Variants in NCKAP5L observed in about 807,000 individuals in gnomAD.
The protein encoded by NCKAP5L is nck-associated protein 5-like.
A neutral mutation model predicts 103.2 loss-of-function variants in NCKAP5L; 54 were observed. The observed-to-expected ratio is 0.52, with a 90% CI of 0.42 to 0.66. The LOEUF (loss-of-function observed/expected upper bound fraction) is 0.66. Among genes scored for constraint, NCKAP5L ranks in the 30% least tolerant of loss-of-function variants. NCKAP5L has a pLI of 0.00. For synonymous variants in NCKAP5L, 762 were observed against 748.6 expected (o/e 1.02, Z -0.29); for missense variants, 1,733 against 1,750.6 (o/e 0.99, Z 0.18).
In NCKAP5L at chr12:49,793,853, T is replaced by C. The variant is rs1176572168; in HGVS notation, c.3139A>G (p.Lys1047Glu). The change falls in exon 9 of 13, where the codon AAG becomes GAG. Residue 1047 changes from lysine (K) to glutamate (E), a missense_variant. Lys to Glu is a moderately conservative substitution (Grantham distance 56, BLOSUM62 1). Transcript: ENST00000335999. ...ELPSKSWREP[K>E]PEYGDFQPVS... ...GGCTGGAAATCCCCGTACTCAGGCT[T>C]GGGCTCCCGCCAGCTCTTGGATGGC... The C allele has an allele frequency of 6.3e-7, 1 of 1,576,256 alleles. No individual in the cohort carries two copies. Among genetic ancestry groups the C allele is most frequent in the Non-Finnish European group, 8.6e-7 (1 of 1,161,692 alleles).
intron 10 of NCKAP5L, 125 bp downstream of exon 10, chr12:49,793,227 T>A: frequency 3.9e-6 from 4 of 1,013,982 alleles, no homozygotes; most frequent in Non-Finnish European, 5.9e-6. Flanking sequence ...AGTGCCCACC[T>A]GGTGCTTGGC....
chr12:49,812,712 C>T (rs188712404), intron 1 of NCKAP5L, among the ~76,000 whole-genome samples: 64 of 152,304 alleles, frequency 4.2e-4, no homozygotes, highest in African/African-American at 1.5e-3. Flanking sequence ...CAGTGCTCCA[C>T]TGTATGGGCC....
At chr12:49,793,510 A>G in intron 9 of NCKAP5L, 77 bp from the exon 10 acceptor site, 1 of 1,462,020 alleles carries the variant, frequency 6.8e-7, no homozygotes, top group Non-Finnish European at 9.5e-7. Flanking sequence ...GAGGGTGGGA[A>G]TGTGTCTGTA....
At chr12:49,826,986 G>T (rs1444107994) in intron 1 of NCKAP5L, among the ~76,000 whole-genome samples, 1 of 152,130 alleles carries the variant, frequency 6.6e-6, no homozygotes, top group African/African-American at 2.4e-5. Flanking sequence ...GAATACACAC[G>T]GTTTCTTTGG....
rs773637506 is a variant in NCKAP5L at position 49,795,409 on chromosome 12, C to T, written c.2451G>A (p.Lys817=). Residue 817 remains lysine, a synonymous_variant, in exon 8 of 13, where the codon AAG becomes AAA. Transcript: ENST00000335999. ...PNKSPHSSPT[K]LPSKSPTKVV... ...CCTTGGTTGGTGACTTGGAAGGGAG[C>T]TTGGTGGGGCTGCTGTGAGGGCTCT... The T allele has an allele frequency of 1.3e-6, 2 of 1,581,808 alleles. No homozygotes were observed. The highest frequency in any genetic ancestry group is 1.2e-5 in the South Asian group (1 of 85,506).
At chr12:49,818,086 C>T (rs533496067) in intron 1 of NCKAP5L, among the ~76,000 whole-genome samples, 53 of 151,530 alleles carry the variant, frequency 3.5e-4, no homozygotes, top group East Asian at 7.8e-4. Flanking sequence ...AAGCCGAGAT[C>T]GCGCTGCTGC....
intron 1 of NCKAP5L, among the ~76,000 whole-genome samples, chr12:49,824,228 G>A (rs188409012): frequency 1.3e-5 from 2 of 152,318 alleles, no homozygotes; most frequent in East Asian, 3.9e-4. Flanking sequence ...CAGGCTGACA[G>A]CTGCCTCAGG....
chr12:49,794,850 G>A lies in NCKAP5L; in HGVS notation c.3010C>T (p.Pro1004Ser). ...RPRPGGPAPG[P>S]NTGLGQVQGQ... ...TGCACCTGCCCCAGCCCCGTGTTGGGCCCTGGGGCTGGGCCACCAGGCCGT... is the reference window on the plus strand; with the variant it reads ...TGCACCTGCCCCAGCCCCGTGTTGGACCCTGGGGCTGGGCCACCAGGCCGT... The change falls in exon 8 of 13, where the codon CCC becomes TCC. Residue 1004 changes from proline to serine, a missense_variant. Physicochemically the swap from Pro to Ser is moderately conservative, Grantham distance 74. Coordinates refer to ENST00000335999, the MANE Select transcript of NCKAP5L (RefSeq NM_001037806.4). 6.6e-7 allele frequency: 1 copy of A among 1,509,596 alleles called. No individual in the cohort carries two copies. Among genetic ancestry groups the A allele is most frequent in the South Asian group, 1.3e-5 (1 of 77,006 alleles). The allele number at this position is 1,509,596 out of a possible 1,614,324, so 93.5% of individuals were successfully genotyped here.
intron 1 of NCKAP5L, among the ~76,000 whole-genome samples, chr12:49,815,969 G>A (rs185876648): frequency 2.0e-5 from 3 of 152,164 alleles, no homozygotes; most frequent in East Asian, 3.9e-4. Flanking sequence ...TTTTGGGAAC[G>A]ACCAAAGCCC....
At chr12:49,802,094 T>G in intron 5 of NCKAP5L, 127 bp from the exon 6 acceptor site, 1 of 1,068,648 alleles carries the variant, frequency 9.4e-7, no homozygotes. Context: ...ACACTTCCGC[T>G]GCAACCTCCT....
chr12:49,816,152 G>T (rs1424385948), intron 1 of NCKAP5L, among the ~76,000 whole-genome samples: 2 of 152,092 alleles, frequency 1.3e-5, no homozygotes, highest in African/African-American at 2.4e-5. Flanking sequence ...AAGAGGAGGG[G>T]ACTCCCTATA....
Position 49,791,767 on chromosome 12 carries a change from G to A in NCKAP5L, c.*72C>T. ...TCAGGGAGGGGTCCCCGTCTCCGGG[G>A]GCTGGGCATGAAGAGAGCCGGTCCA... On this transcript the variant is annotated 3_prime_UTR_variant, in exon 13 of 13. Transcript: ENST00000335999. The A allele has an allele frequency of 7.3e-7, 1 of 1,364,946 alleles. No individual in the cohort carries two copies. The highest frequency in any genetic ancestry group is 9.8e-7 in the Non-Finnish European group (1 of 1,019,496). The allele number at this position is 1,364,946 out of a possible 1,614,324, so 84.6% of individuals were successfully genotyped here.
At position 49,792,013 on chromosome 12, in the gene NCKAP5L, G is replaced by A; in HGVS notation, c.3831C>T (p.Ser1277=). Residue 1277 remains serine (S), a synonymous_variant, in exon 13 of 13, where the codon AGC becomes AGT. Transcript: ENST00000335999. The surrounding 1 kb of genome is among the most constrained non-coding windows in gnomAD (Gnocchi z 4.5). Reference sequence around the variant, plus strand: ...GGCCCTGGGGCGTAGGGGACGGGCGGCTGGGCTCCTGGCTTCGCTTCCGGT... The same window carrying A: ...GGCCCTGGGGCGTAGGGGACGGGCGACTGGGCTCCTGGCTTCGCTTCCGGT... ...PVDRKRSQEP[S]RPSPTPQGPP... 8 of 1,572,686 alleles carry A rather than the reference G, an allele frequency of 5.1e-6. No individual in the cohort carries two copies. The highest frequency in any genetic ancestry group is 6.9e-6 in the Non-Finnish European group (8 of 1,160,350).
At position 49,803,966 on chromosome 12, in the gene NCKAP5L, G is replaced by C. The variant is rs1183895072; in HGVS notation, c.79C>G (p.Pro27Ala). 1.2e-6 allele frequency: 2 copies of C among 1,611,674 alleles called. No homozygotes were observed. The highest frequency in any genetic ancestry group is 2.2e-5 in the South Asian group (2 of 91,062). ...PGEGDDGSME[P>A]GTCQELLHRL... ...TGCAGAAGCTCCTGGCAGGTGCCTG[G>C]CTCCATGCTGCCATCATCACCCTCT... The change falls in exon 3 of 13, where the codon CCA (proline) becomes GCA (alanine). Residue 27 changes from proline to alanine, a missense_variant. Pro to Ala is a conservative substitution (Grantham distance 27). Transcript: ENST00000335999.
At position 49,792,110 on chromosome 12, in the gene NCKAP5L, G is replaced by C; in HGVS notation, c.3793-59C>G. ...CTCTCCACCTTTCGGCCCAGCCTCA[G>C]AGGCACTGAGCTCTGAGGGGCGTCT... On this transcript the variant is annotated intron_variant, in intron 12 of 12. Coordinates refer to ENST00000335999, the MANE Select transcript of NCKAP5L (RefSeq NM_001037806.4). This position sits in a 1 kb window ranked among gnomAD's most constrained non-coding sequence, Gnocchi z 4.5. 7.1e-7 allele frequency: 1 copy of C among 1,417,072 alleles called. No individual in the cohort carries two copies. The highest frequency in any genetic ancestry group is 9.4e-7 in the Non-Finnish European group (1 of 1,069,468). The allele number at this position is 1,417,072 out of a possible 1,614,324, so 87.8% of individuals were successfully genotyped here. A position where few individuals can be genotyped will look rare whatever the true frequency, so the allele number is the denominator to read the frequency against.
At chr12:49,821,467 G>A (rs1946361480) in intron 1 of NCKAP5L, among the ~76,000 whole-genome samples, 1 of 152,174 alleles carries the variant, frequency 6.6e-6, no homozygotes, top group Non-Finnish European at 1.5e-5. Context: ...GGAGTGGGGA[G>A]AAGAGAAGCC....
chr12:49,795,687 T>A lies in NCKAP5L; in HGVS notation c.2173A>T (p.Ile725Leu), dbSNP rs1272358660. The A allele has an allele frequency of 5.0e-6, 8 of 1,611,824 alleles. No homozygotes were observed. Among genetic ancestry groups the A allele is most frequent in the Non-Finnish European group, 5.9e-6 (7 of 1,179,146 alleles). Residue 725 changes from isoleucine (I) to leucine (L), a missense_variant, in exon 8 of 13, where the codon ATA (isoleucine) becomes TTA (leucine). Coordinates refer to ENST00000335999, the MANE Select transcript of NCKAP5L (RefSeq NM_001037806.4). Reference protein sequence around the residue: ...PLEQLEAKGGIRGAVALGTNS... With the variant: ...PLEQLEAKGGLRGAVALGTNS... ...GTGCCCAAGGCCACTGCCCCCCGTATCCCCCCCTTGGCTTCTAGCTGCTCC... is the reference window on the plus strand; with the variant it reads ...GTGCCCAAGGCCACTGCCCCCCGTAACCCCCCCTTGGCTTCTAGCTGCTCC...
chr12:49,794,338 G>A (rs1358257129), intron 8 of NCKAP5L, among the ~76,000 whole-genome samples: 1 of 152,204 alleles, frequency 6.6e-6, no homozygotes, highest in Non-Finnish European at 1.5e-5. Flanking sequence ...GCAACCCCAA[G>A]ATGGGTGGAT....
chr12:49,819,782 A>T (rs1592762294), intron 1 of NCKAP5L, among the ~76,000 whole-genome samples: 1 of 152,244 alleles, frequency 6.6e-6, no homozygotes, highest in East Asian at 1.9e-4. Context: ...AACTTTAAAA[A>T]TCAGGAGAGA....
Sources: gnomAD v4.1 joint callset for allele counts (sites outside exome capture counted in the v4.1 genomes callset) on GRCh38, gnomAD v4.1.1 for gene constraint, Gnocchi (gnomAD v3.1) non-coding constraint, MANE v1.5 for transcripts, NCBI Gene and HGNC (gene_info 2026-07-23, HGNC 2026-07-21) for gene names.